LOC128125817: variants seen among roughly 807,000 people sequenced by gnomAD.
chr1:41,605,152 G>A, the LOC128125817 span, among the ~76,000 whole-genome samples: 7 of 135,536 alleles, frequency 5.2e-5, no homozygotes, highest in South Asian at 2.5e-4. Flanking sequence ...GAAGGGAAGC[G>A]GAGGGGTGGA....
chr1:41,611,097 G>A, the LOC128125817 span, among the ~76,000 whole-genome samples: 1 of 152,214 alleles, frequency 6.6e-6, no homozygotes, highest in Admixed American at 6.5e-5. Context: ...GTGACCCTTT[G>A]AGAAAATTAC....
chr1:41,604,107 G>A, the LOC128125817 span, among the ~76,000 whole-genome samples: 4 of 152,130 alleles, frequency 2.6e-5, no homozygotes, highest in Admixed American at 6.5e-5. Context: ...AGACACATTT[G>A]GACAATTGAT....
chr1:41,585,518 C>A, the LOC128125817 span, among the ~76,000 whole-genome samples: 2 of 152,126 alleles, frequency 1.3e-5, no homozygotes, highest in Non-Finnish European at 2.9e-5. Flanking sequence ...TTTCCTCCCC[C>A]GCTCCCATGT....
chr1:41,597,356 A>G, the LOC128125817 span, among the ~76,000 whole-genome samples: 1 of 152,320 alleles, frequency 6.6e-6, no homozygotes, highest in African/African-American at 2.4e-5. Flanking sequence ...CCAGACTTGC[A>G]GAGGCCCAGA....
the LOC128125817 span, among the ~76,000 whole-genome samples, chr1:41,604,948 A>G: frequency 2.0e-5 from 3 of 151,788 alleles, no homozygotes; most frequent in African/African-American, 7.3e-5. Context: ...TACAAAAAAT[A>G]AATAAAATTA....
the LOC128125817 span, among the ~76,000 whole-genome samples, chr1:41,618,209 C>G: frequency 1.3e-5 from 2 of 152,204 alleles, no homozygotes; most frequent in East Asian, 3.8e-4. Context: ...GTGCCAGAGC[C>G]CGGAGCCACC....
At chr1:41,602,992 T>A in the LOC128125817 span, among the ~76,000 whole-genome samples, 1 of 152,146 alleles carries the variant, frequency 6.6e-6, no homozygotes, top group Non-Finnish European at 1.5e-5. Context: ...TTACAGTGTG[T>A]CATTTAATTT....
chr1:41,588,619 C>G, the LOC128125817 span, among the ~76,000 whole-genome samples: 1 of 152,086 alleles, frequency 6.6e-6, no homozygotes. Context: ...CAGTGTCCAG[C>G]CTGCACCTGT....
At chr1:41,621,883 G>A in the LOC128125817 span, among the ~76,000 whole-genome samples, 3,555 of 152,210 alleles carry the variant, frequency 0.023, 151 homozygotes, top group African/African-American at 0.082. Flanking sequence ...ATCTCTGCAA[G>A]TCTCTTTCCC....
the LOC128125817 span, among the ~76,000 whole-genome samples, chr1:41,594,972 A>G: frequency 1.2e-4 from 19 of 152,346 alleles, no homozygotes; most frequent in Admixed American, 5.9e-4. Context: ...TTGTCCCAAC[A>G]GCATTATTGA....
At chr1:41,604,207 CA>C in the LOC128125817 span, among the ~76,000 whole-genome samples, 4 of 152,002 alleles carry the variant, frequency 2.6e-5, no homozygotes, top group African/African-American at 9.7e-5. Context: ...GTATGTCCTC[CA>C]AAAAACACAA....
At chr1:41,605,078 C>A in the LOC128125817 span, among the ~76,000 whole-genome samples, 1 of 139,006 alleles carries the variant, frequency 7.2e-6, no homozygotes, top group African/African-American at 2.6e-5. Context: ...GCACTCCAGT[C>A]TGGGTGACAG....
chr1:41,614,738 C>T, the LOC128125817 span, among the ~76,000 whole-genome samples: 1 of 152,188 alleles, frequency 6.6e-6, no homozygotes, highest in South Asian at 2.1e-4. Context: ...GAAGGCCCCA[C>T]ATGGTAGCTC....
chr1:41,613,852 T>C, the LOC128125817 span, among the ~76,000 whole-genome samples: 1 of 152,380 alleles, frequency 6.6e-6, no homozygotes, highest in South Asian at 2.1e-4. Context: ...CTAATTCATC[T>C]AGTTTCCATC....
At chr1:41,611,881 T>G in the LOC128125817 span, among the ~76,000 whole-genome samples, 1 of 152,224 alleles carries the variant, frequency 6.6e-6, no homozygotes, top group African/African-American at 2.4e-5. Flanking sequence ...GAACTCCGGT[T>G]GCCTGAGGTC....
chr1:41,599,095 G>A, the LOC128125817 span, among the ~76,000 whole-genome samples: 1 of 152,134 alleles, frequency 6.6e-6, no homozygotes, highest in Non-Finnish European at 1.5e-5. Flanking sequence ...AGAATTACAA[G>A]TGTGAGCCAC....
the LOC128125817 span, among the ~76,000 whole-genome samples, chr1:41,590,550 C>T: frequency 1.3e-5 from 2 of 152,184 alleles, no homozygotes; most frequent in Non-Finnish European, 2.9e-5. Flanking sequence ...AACAGTGGGA[C>T]AAGAAGACAA....
chr1:41,624,181 T>C, the LOC128125817 span, among the ~76,000 whole-genome samples: 2 of 152,146 alleles, frequency 1.3e-5, no homozygotes, highest in African/African-American at 4.8e-5. Context: ...CTTCCTCCTC[T>C]GCCTCCAACT....
chr1:41,605,398 CACACACACAT>C, the LOC128125817 span, among the ~76,000 whole-genome samples: 2 of 151,928 alleles, frequency 1.3e-5, no homozygotes, highest in African/African-American at 4.8e-5. Context: ...CACACACACA[CACACACACAT>C]ACATATGTTA....
Sources: allele counts gnomAD v4.1 joint callset (sites outside exome capture counted in the v4.1 genomes callset), GRCh38; gene constraint gnomAD v4.1.1; transcripts MANE v1.5.